The following CNIH3 variants were observed in gnomAD, a reference collection of about 807,000 sequenced individuals.
CNIH3 encodes the protein protein cornichon homolog 3.
In CNIH3, 14 loss-of-function variants were observed where a neutral mutation model predicts 24.1. The observed-to-expected ratio is 0.58, with a 90% CI of 0.38 to 0.91. The LOEUF (loss-of-function observed/expected upper bound fraction) is 0.91. Ranked by LOEUF, CNIH3 falls within the 40% of genes least tolerant of loss-of-function variation. The pLI, the probability that CNIH3 is intolerant of heterozygous loss-of-function variation, is 0.00. For synonymous variants in CNIH3, 68 were observed against 73.8 expected (o/e 0.92, Z 0.40); for missense variants, 178 against 196.8 (o/e 0.90, Z 0.57).
chr1:224,668,193 A>C (rs1685688643), intron 1 of CNIH3, among the ~76,000 whole-genome samples: 1 of 152,232 alleles, frequency 6.6e-6, no homozygotes, highest in African/African-American at 2.4e-5. Flanking sequence ...TGATGTCTCA[A>C]AACAAACTAC....
downstream of CNIH3, among the ~76,000 whole-genome samples, chr1:224,589,955 C>T (rs1245683198): frequency 6.6e-6 from 1 of 152,174 alleles, no homozygotes. Context: ...CAGCTCACTG[C>T]AACCTCTGCC....
At chr1:224,594,452 G>A (rs986480438) in intron 3 of CNIH3, among the ~76,000 whole-genome samples, 2 of 152,198 alleles carry the variant, frequency 1.3e-5, no homozygotes, top group African/African-American at 4.8e-5. Context: ...TTTATGTGAT[G>A]GTTGGTCCAG....
chr1:224,739,573 C>A lies in CNIH3; in HGVS notation c.*217C>A. Reference sequence around the variant, plus strand: ...ACCCTGTTTGTCAATCTTTGGCATTCGAATTCCACACACGGGGTCCTAGAG... The same window carrying A: ...ACCCTGTTTGTCAATCTTTGGCATTAGAATTCCACACACGGGGTCCTAGAG... On this transcript the variant is annotated 3_prime_UTR_variant, in exon 6 of 6. Coordinates refer to ENST00000272133, the MANE Select transcript of CNIH3 (RefSeq NM_152495.2). 2 of 832,520 alleles carry A rather than the reference C, an allele frequency of 2.4e-6. No individual in the cohort carries two copies. The highest frequency in any genetic ancestry group is 3.7e-6 in the Non-Finnish European group (2 of 545,090). The allele number at this position is 832,520 out of a possible 1,614,324, so 51.6% of individuals were successfully genotyped here.
chr1:224,440,290 T>C (rs1258781054), intron 1 of CNIH3, among the ~76,000 whole-genome samples: 1 of 152,116 alleles, frequency 6.6e-6, no homozygotes, highest in Non-Finnish European at 1.5e-5. Flanking sequence ...AGTACAGTGG[T>C]GCAGTCATAG....
chr1:224,461,681 G>A (rs1675918395), intron 1 of CNIH3, among the ~76,000 whole-genome samples: 1 of 152,112 alleles, frequency 6.6e-6, no homozygotes, highest in African/African-American at 2.4e-5. Context: ...CATTTAAAAT[G>A]GACACAATTC....
At chr1:224,618,114 G>A (rs1016590304) in intron 1 of CNIH3, among the ~76,000 whole-genome samples, 3 of 152,244 alleles carry the variant, frequency 2.0e-5, no homozygotes, top group African/African-American at 7.2e-5. Flanking sequence ...AATAGGGGAA[G>A]AGAAGTACTG....
intron 1 of CNIH3, among the ~76,000 whole-genome samples, chr1:224,482,117 G>A (rs1049721368): frequency 2.0e-5 from 3 of 152,156 alleles, no homozygotes; most frequent in Non-Finnish European, 4.4e-5. Flanking sequence ...TCAAGCCTGG[G>A]ACTCACCCTT....
At chr1:224,658,769 A>C (rs190432920) in intron 1 of CNIH3, among the ~76,000 whole-genome samples, 1 of 151,044 alleles carries the variant, frequency 6.6e-6, no homozygotes, top group South Asian at 2.1e-4. Context: ...GAAATCTCCT[A>C]TTATCTCTTA....
chr1:224,663,836 T>A (rs1227620590), intron 1 of CNIH3, among the ~76,000 whole-genome samples: 1 of 152,180 alleles, frequency 6.6e-6, no homozygotes, highest in Non-Finnish European at 1.5e-5. Context: ...GACCGAAATT[T>A]ACCTTCAGCC....
chr1:224,462,581 G>A (rs9970697), intron 1 of CNIH3, among the ~76,000 whole-genome samples: 103,542 of 150,718 alleles, frequency 0.69, 37,976 homozygotes, highest in East Asian at 0.98. Context: ...CAATCCGCCC[G>A]CCTTGGCCTC....
exon 2 of CNIH3, chr1:224,521,103 G>T (rs1678610872): frequency 6.6e-6 from 1 of 152,130 alleles, no homozygotes; most frequent in Non-Finnish European, 1.5e-5. Context: ...CAGCAAGTGG[G>T]CTGTCTGTAT....
intron 4 of CNIH3, among the ~76,000 whole-genome samples, chr1:224,572,923 A>G (rs1014378408): frequency 6.6e-6 from 1 of 152,200 alleles, no homozygotes; most frequent in Non-Finnish European, 1.5e-5. Context: ...CAACACATTG[A>G]ATAACCTAGA....
chr1:224,634,635 C>G (rs1384034219), intron 1 of CNIH3, among the ~76,000 whole-genome samples: 2 of 151,996 alleles, frequency 1.3e-5, no homozygotes, highest in African/African-American at 4.8e-5. Flanking sequence ...TCAGTGCAGG[C>G]CCAAATTCTA....
At chr1:224,625,556 A>T (rs1683483982) in intron 1 of CNIH3, among the ~76,000 whole-genome samples, 1 of 152,226 alleles carries the variant, frequency 6.6e-6, no homozygotes. Flanking sequence ...ACTCCGTCTC[A>T]AAAGAAAAAA....
rs373768784 is a variant in CNIH3, at chr1:224,456,592, G to A, written n.203+21730G>A. Among the ~76,000 whole-genome samples the A allele has an allele frequency of 1.4e-4, 21 of 152,246 alleles. No homozygotes were observed. The East Asian group carries it at 2.9e-3, about 21-fold the overall frequency. On this transcript the variant is annotated intron_variant and non_coding_transcript_variant, in intron 1 of 5. Coordinates refer to the CNIH3 transcript ENST00000471578. The stretch of plus-strand genomic sequence containing the variant: ...CACCCAGCTAATTTTTGTATTTTTT[G>A]TAGAGATAGGATTGTACCGTGTTGC...
Position 224,670,302 on chromosome 1 carries a change from CA to C in CNIH3, c.82-10655del, listed in dbSNP as rs1685802178. Among the ~76,000 whole-genome samples the C allele has an allele frequency of 3.9e-5, 6 of 152,288 alleles. No homozygotes were observed. The South Asian group carries it at 1.2e-3, about 32-fold the overall frequency. ...AGATGGTGGCATGGGAAGATCTGGA[CA>C]CTCGGGGCTGCTGCTCAGGTGTGGA... On this transcript the variant is annotated intron_variant, in intron 1 of 5. Coordinates refer to ENST00000272133, the MANE Select transcript of CNIH3 (RefSeq NM_152495.2).
chr1:224,451,488 A>G (rs919574809), intron 1 of CNIH3, among the ~76,000 whole-genome samples: 3 of 152,256 alleles, frequency 2.0e-5, no homozygotes, highest in Non-Finnish European at 4.4e-5. Context: ...GCTTGGTCAC[A>G]CCAAGGCTGT....
chr1:224,536,368 C>T (rs577331326), intron 2 of CNIH3, among the ~76,000 whole-genome samples: 285 of 148,250 alleles, frequency 1.9e-3, no homozygotes, highest in African/African-American at 6.8e-3. Flanking sequence ...CTCAGCTCAC[C>T]GTAACCTCTG....
intron 1 of CNIH3, among the ~76,000 whole-genome samples, chr1:224,449,375 T>C (rs1675297265): frequency 2.6e-5 from 4 of 152,216 alleles, no homozygotes; most frequent in Admixed American, 6.5e-5. Flanking sequence ...TCTCCTCTCT[T>C]CCATCTCCAT....
Sources: allele counts gnomAD v4.1 joint callset (sites outside exome capture counted in the v4.1 genomes callset), GRCh38; gene constraint gnomAD v4.1.1; transcripts MANE v1.5; gene names NCBI Gene and HGNC (gene_info 2026-07-23, HGNC 2026-07-21).